DAW1: variants seen among roughly 807,000 people sequenced by gnomAD.
DAW1 encodes dynein assembly factor with WD repeat domains 1.
Under a neutral mutation model 56.5 loss-of-function variants are expected in DAW1, and 47 were observed. That is an observed-to-expected ratio of 0.83 (90% CI 0.66 to 1.06). DAW1 has a LOEUF of 1.06. DAW1 is among the 50% of genes least tolerant of loss of function. The pLI is 0.00. For synonymous variants in DAW1, 190 were observed against 179.0 expected (o/e 1.06, Z -0.49); for missense variants, 505 against 499.3 (o/e 1.01, Z -0.11).
chr2:227,905,793 T>C (rs766206928), intron 8 of DAW1, among the ~76,000 whole-genome samples: 13 of 112,890 alleles, frequency 1.2e-4, no homozygotes, highest in Admixed American at 4.9e-4. Context: ...CTCGCTCTGT[T>C]GCCCAGGCTG....
intron 10 of DAW1, among the ~76,000 whole-genome samples, chr2:227,918,183 C>CCATCATCCATCCATCCATCCATCCAT (rs1553604209): frequency 0.13 from 13,503 of 103,308 alleles, 869 homozygotes; most frequent in East Asian, 0.16. Flanking sequence ...ATCCATCCAT[C>CCATCATCCATCCATCCATCCATCCAT]CATCCATCCA....
intron 3 of DAW1, 43 bp from the exon 4 acceptor site, chr2:227,891,212 A>C (rs1691258849): frequency 6.4e-7 from 1 of 1,558,058 alleles, no homozygotes; most frequent in African/African-American, 1.4e-5. Context: ...TAACAAATTT[A>C]ATTTGGTTTG....
chr2:227,915,399 G>A (rs1165762742), intron 10 of DAW1, among the ~76,000 whole-genome samples: 1 of 151,838 alleles, frequency 6.6e-6, no homozygotes, highest in Non-Finnish European at 1.5e-5. Flanking sequence ...TTCTATATTT[G>A]CCTCTTTTTC....
intron 12 of DAW1, among the ~76,000 whole-genome samples, chr2:227,922,474 G>A (rs750849076): frequency 5.9e-5 from 9 of 152,308 alleles, no homozygotes; most frequent in South Asian, 4.1e-4. Context: ...CAGGGAATGG[G>A]TGCCACAATA....
At chr2:227,897,654 A>G (rs1413231899) in intron 5 of DAW1, among the ~76,000 whole-genome samples, 1 of 152,196 alleles carries the variant, frequency 6.6e-6, no homozygotes, top group Non-Finnish European at 1.5e-5. Flanking sequence ...AAGTGACTGA[A>G]GTCTTTGTAT....
intron 8 of DAW1, among the ~76,000 whole-genome samples, chr2:227,905,798 A>G (rs751396584): frequency 8.8e-5 from 13 of 146,918 alleles, no homozygotes; most frequent in Admixed American, 4.1e-4. Flanking sequence ...TCTGTTGCCC[A>G]GGCTGGAGTG....
chr2:227,920,708 G>T lies in DAW1; in HGVS notation c.1051-691G>T, dbSNP rs568656138. On this transcript the variant is annotated intron_variant, in intron 11 of 12. Coordinates refer to ENST00000309931, the MANE Select transcript of DAW1 (RefSeq NM_178821.3). ...ATTATTTTTTTTGAGATGGAGTCTT[G>T]CTCTGTTACCCAGGCTGGAGAGCAG... 2.8e-4 allele frequency among the ~76,000 whole-genome samples: 42 copies of T among 151,622 alleles called. 1 individual carries two copies. The highest frequency in any genetic ancestry group is 2.3e-3 in the Admixed American group (35 of 15,222).
chr2:227,899,920 T>C (rs1691498765), intron 6 of DAW1, among the ~76,000 whole-genome samples: 1 of 152,188 alleles, frequency 6.6e-6, no homozygotes, highest in Admixed American at 6.5e-5. Flanking sequence ...ATGTACACCT[T>C]AAAACAGGAA....
At chr2:227,923,457 C>T (rs553079145) in intron 12 of DAW1, among the ~76,000 whole-genome samples, 1 of 152,086 alleles carries the variant, frequency 6.6e-6, no homozygotes, top group African/African-American at 2.4e-5. Context: ...GTGCCTGGTC[C>T]CTGAAGGTGA....
chr2:227,901,676 A>C (rs927827920), intron 6 of DAW1, among the ~76,000 whole-genome samples: 1 of 152,226 alleles, frequency 6.6e-6, no homozygotes, highest in Non-Finnish European at 1.5e-5. Flanking sequence ...ATGACCGACC[A>C]AACCTGGATT....
intron 5 of DAW1, 35 bp from the exon 6 acceptor site, chr2:227,898,147 T>A: frequency 6.9e-7 from 1 of 1,450,546 alleles, no homozygotes. Context: ...TAATGTGTCT[T>A]TTTTTAAATA....
intron 10 of DAW1, among the ~76,000 whole-genome samples, chr2:227,912,711 C>A (rs981158663): frequency 6.6e-6 from 1 of 152,146 alleles, no homozygotes; most frequent in Non-Finnish European, 1.5e-5. Flanking sequence ...TCATCCCCTA[C>A]CTGTTAATCA....
rs548049532 is a variant in DAW1 at position 227,885,120 on chromosome 2, T to C, written c.41-231T>C. 2.6e-4 allele frequency among the ~76,000 whole-genome samples: 40 copies of C among 152,334 alleles called. No individual in the cohort carries two copies. In the East Asian group the frequency reaches 3.1e-3, roughly 12 times the overall value. On this transcript the variant is annotated intron_variant, in intron 1 of 12. Transcript: ENST00000309931. ...TCTTCCATCCAACTTTCTATTATTT[T>C]TTCATTGTCTATTGGACAATTTCAA... is the stretch of plus-strand genomic sequence containing the variant.
intron 12 of DAW1, among the ~76,000 whole-genome samples, chr2:227,922,253 T>C (rs2106220177): frequency 6.6e-6 from 1 of 152,364 alleles, no homozygotes; most frequent in East Asian, 1.9e-4. Context: ...AGATTTATTC[T>C]TTGAGCAGAG....
chr2:227,912,689 G>A (rs1691857921), intron 10 of DAW1, among the ~76,000 whole-genome samples: 1 of 152,102 alleles, frequency 6.6e-6, no homozygotes, highest in African/African-American at 2.4e-5. Context: ...CCATACATAA[G>A]CTATACTGCT....
intron 1 of DAW1, among the ~76,000 whole-genome samples, chr2:227,881,304 A>G (rs1412642410): frequency 6.6e-6 from 1 of 152,230 alleles, no homozygotes; most frequent in Non-Finnish European, 1.5e-5. Flanking sequence ...CACTGCTGAT[A>G]GAGAAATGGA....
chr2:227,892,845 T>G lies in DAW1; in HGVS notation c.318-950T>G, dbSNP rs534873075. 1.2e-4 allele frequency among the ~76,000 whole-genome samples: 19 copies of G among 152,352 alleles called. No homozygotes were observed. In the South Asian group the frequency reaches 3.7e-3, roughly 30 times the overall value. Reference sequence around the variant, plus strand: ...AAGCAATATTTTGATTTCAGAGATATTTTAGAAAGAAAGTCTCTTTCTTAA... The same window carrying G: ...AAGCAATATTTTGATTTCAGAGATAGTTTAGAAAGAAAGTCTCTTTCTTAA... On this transcript the variant is annotated intron_variant, in intron 4 of 12. Transcript: ENST00000309931.
At chr2:227,918,121 TCTC>T (rs1405257105) in intron 10 of DAW1, among the ~76,000 whole-genome samples, 1 of 95,304 alleles carries the variant, frequency 1.0e-5, no homozygotes, top group East Asian at 2.9e-4. Context: ...TCCATCCATT[TCTC>T]CATCCATCCA....
Position 227,911,284 on chromosome 2 carries a change from A to G in DAW1, c.973+4032A>G, listed in dbSNP as rs534828406. On this transcript the variant is annotated intron_variant, in intron 10 of 12. Coordinates refer to ENST00000309931, the MANE Select transcript of DAW1 (RefSeq NM_178821.3). Reference sequence around the variant, plus strand: ...TGTATATACACATATACACGTGTATATATACATATATACACGTGTATGTAT... The same window carrying G: ...TGTATATACACATATACACGTGTATGTATACATATATACACGTGTATGTAT... 1.6e-4 allele frequency among the ~76,000 whole-genome samples: 23 copies of G among 146,650 alleles called. 1 individual carries two copies. Among genetic ancestry groups the G allele is most frequent in the African/African-American group, 5.3e-4 (21 of 39,478 alleles).
Sources: gnomAD v4.1 joint callset for allele counts (sites outside exome capture counted in the v4.1 genomes callset) on GRCh38, gnomAD v4.1.1 for gene constraint, MANE v1.5 for transcripts, NCBI Gene and HGNC (gene_info 2026-07-23, HGNC 2026-07-21) for gene names.